Variants in TM4SF20 observed in about 807,000 individuals in gnomAD.
TM4SF20 encodes the protein transmembrane 4 L6 family member 20.
TM4SF20 carries 13 observed loss-of-function variants against 15.1 expected under a neutral mutation model. The ratio of observed to expected loss-of-function variants is 0.86; its 90% CI spans 0.56 to 1.36. The LOEUF is 1.36. Ranked by LOEUF, TM4SF20 falls within the 40% of genes most tolerant of loss-of-function variation. TM4SF20 has a pLI of 0.00. For synonymous variants in TM4SF20, 92 were observed against 96.6 expected, an observed-to-expected ratio of 0.95 and a Z score of 0.28; for missense variants, 282 against 268.4, an observed-to-expected ratio of 1.05 and a Z score of -0.35.
rs775744801 is a variant in TM4SF20, at chr2:227,379,290, G to A, written c.-22C>T. 22 of 1,608,496 alleles carry A rather than the reference G, an allele frequency of 1.4e-5. No individual in the cohort carries two copies. The highest frequency in any genetic ancestry group is 2.2e-5 in the East Asian group (1 of 44,846). On this transcript the variant is annotated 5_prime_UTR_variant, in exon 1 of 4. It adds an upstream start codon to the 5' untranslated region. Transcript: ENST00000304568. Reference sequence around the variant, plus strand: ...TCATGGTCACCCCTGGCTCAGAAACGTTGTCAAAGTGGCTATGCTTGCATG... The same window carrying A: ...TCATGGTCACCCCTGGCTCAGAAACATTGTCAAAGTGGCTATGCTTGCATG...
intron 3 of TM4SF20, among the ~76,000 whole-genome samples, chr2:227,364,439 C>T (rs1330939588): frequency 1.4e-5 from 2 of 146,992 alleles, no homozygotes; most frequent in East Asian, 2.1e-4. Flanking sequence ...TACAGCGTGG[C>T]GTCCGTTCTT....
At chr2:227,375,253 A>T (rs1276851262) in intron 1 of TM4SF20, among the ~76,000 whole-genome samples, 1 of 152,032 alleles carries the variant, frequency 6.6e-6, no homozygotes, top group South Asian at 2.1e-4. Context: ...TAAGCTGGGC[A>T]ATAGTGGTGC....
intron 2 of TM4SF20, among the ~76,000 whole-genome samples, chr2:227,368,017 C>CTTTTTTT (rs748891185): frequency 3.4e-5 from 4 of 116,694 alleles, no homozygotes; most frequent in East Asian, 2.4e-4. Flanking sequence ...TTTTAACCAT[C>CTTTTTTT]TATTTTTTTT....
Position 227,370,896 on chromosome 2 carries a change from C to T in TM4SF20, c.249+19G>A, listed in dbSNP as rs1210139974. The T allele has an allele frequency of 1.9e-6, 3 of 1,612,440 alleles. No homozygotes were observed. The highest frequency in any genetic ancestry group is 3.3e-5 in the Admixed American group (2 of 60,008). On this transcript the variant is annotated intron_variant, in intron 2 of 3. Coordinates refer to ENST00000304568, the MANE Select transcript of TM4SF20 (RefSeq NM_024795.4). ...CTGTTCATGCACTTCTGCTTCCACGCCGACTGCTTCATACTTACTCCAGTT... is the reference window on the plus strand; with the variant it reads ...CTGTTCATGCACTTCTGCTTCCACGTCGACTGCTTCATACTTACTCCAGTT...
At chr2:227,367,730 G>C (rs4408717) in intron 2 of TM4SF20, among the ~76,000 whole-genome samples, 16,412 of 152,092 alleles carry the variant, frequency 0.11, 2,271 homozygotes, top group African/African-American at 0.32. Flanking sequence ...GAGGGATGTT[G>C]TGCTCTACAT....
At chr2:227,370,855 G>C in intron 2 of TM4SF20, 60 bp downstream of exon 2, 1 of 1,436,110 alleles carries the variant, frequency 7.0e-7, no homozygotes, top group South Asian at 1.1e-5. Context: ...GTGTGGCTTT[G>C]CTTAGGTAGC....
chr2:227,379,359 C>A (rs564261325), upstream of TM4SF20: 3 of 1,182,920 alleles, frequency 2.5e-6, no homozygotes, highest in East Asian at 7.1e-5. Context: ...TAAAATTTAA[C>A]GCTAATAAAA....
At position 227,368,335 on chromosome 2, in the gene TM4SF20, T is replaced by TATA. The variant is rs1553786651; in HGVS notation, c.250-2092_250-2091insTAT. On this transcript the variant is annotated intron_variant, in intron 2 of 3. Coordinates refer to ENST00000304568, the MANE Select transcript of TM4SF20 (RefSeq NM_024795.4). ...ACCACGCCTGGCCGCCATCTATTAT[T>TATA]TATATATATATATATATATAATTTT... Among the ~76,000 whole-genome samples, 21 of 122,716 alleles carry TATA rather than the reference T, an allele frequency of 1.7e-4. 1 individual carries two copies. The highest frequency in any genetic ancestry group is 4.7e-4 in the African/African-American group (15 of 32,114). The allele number at this position is 122,716 out of a possible 152,430, so 80.5% of individuals were successfully genotyped here.
intron 1 of TM4SF20, among the ~76,000 whole-genome samples, chr2:227,372,036 T>C (rs1267966945): frequency 2.0e-5 from 3 of 152,184 alleles, no homozygotes; most frequent in Admixed American, 6.5e-5. Context: ...TTTGTATCAT[T>C]GAAGGGTGGA....
upstream of TM4SF20, among the ~76,000 whole-genome samples, chr2:227,379,707 C>T (rs545524535): frequency 1.6e-4 from 25 of 152,254 alleles, no homozygotes; most frequent in African/African-American, 5.5e-4. Context: ...AAGGTATTTC[C>T]TCTGCTGCAA....
chr2:227,375,328 G>T (rs10178861), intron 1 of TM4SF20, among the ~76,000 whole-genome samples: 1 of 151,870 alleles, frequency 6.6e-6, no homozygotes, highest in Non-Finnish European at 1.5e-5. Flanking sequence ...AGGAGGTTGA[G>T]GATGCAGTGA....
chr2:227,379,621 ATAT>A (rs2076470458), upstream of TM4SF20, among the ~76,000 whole-genome samples: 3 of 152,230 alleles, frequency 2.0e-5, no homozygotes, highest in South Asian at 6.2e-4. Context: ...TGTTCTATCG[ATAT>A]TATTACCAGC....
chr2:227,364,243 T>G (rs376404498), intron 3 of TM4SF20, among the ~76,000 whole-genome samples: 1 of 152,234 alleles, frequency 6.6e-6, no homozygotes, highest in Non-Finnish European at 1.5e-5. Context: ...CATCTTCTCT[T>G]AGGTTGAACG....
chr2:227,365,985 C>G (rs1470191849), intron 3 of TM4SF20, 108 bp downstream of exon 3: 2 of 1,156,492 alleles, frequency 1.7e-6, no homozygotes, highest in African/African-American at 1.6e-5. Flanking sequence ...CCGTTTGTCC[C>G]GGCAGTTGCA....
At chr2:227,364,104 T>C in intron 3 of TM4SF20, 92 bp from the exon 4 acceptor site, 2 of 1,286,490 alleles carry the variant, frequency 1.6e-6, no homozygotes, top group Non-Finnish European at 2.1e-6. Flanking sequence ...GTGAAACGAA[T>C]GTACTTTTGA....
chr2:227,366,068 A>G, intron 3 of TM4SF20, 25 bp downstream of exon 3: 1 of 1,604,654 alleles, frequency 6.2e-7, no homozygotes, highest in East Asian at 2.2e-5. Context: ...TGAGACAGTA[A>G]GCCTGTGAAA....
chr2:227,375,663 A>G (rs571940611), intron 1 of TM4SF20, among the ~76,000 whole-genome samples: 7 of 145,932 alleles, frequency 4.8e-5, no homozygotes, highest in South Asian at 2.2e-4. Flanking sequence ...CTAATTTTTT[A>G]TATTTTTAGT....
chr2:227,374,057 T>G (rs1186909317), intron 1 of TM4SF20, among the ~76,000 whole-genome samples: 3 of 126,062 alleles, frequency 2.4e-5, no homozygotes, highest in South Asian at 5.3e-4. Flanking sequence ...GCAAGTGTAC[T>G]CCAGCCTAGA....
At chr2:227,369,791 G>A (rs1017177963) in intron 2 of TM4SF20, among the ~76,000 whole-genome samples, 3 of 152,144 alleles carry the variant, frequency 2.0e-5, no homozygotes, top group Non-Finnish European at 4.4e-5. Context: ...GTGACTGCTT[G>A]CTGTCAATCT....
Sources: allele counts gnomAD v4.1 joint callset (sites outside exome capture counted in the v4.1 genomes callset), GRCh38; gene constraint gnomAD v4.1.1; transcripts MANE v1.5; gene names NCBI Gene and HGNC (gene_info 2026-07-23, HGNC 2026-07-21).